Variants in RIF1 observed in about 807,000 individuals in gnomAD.
RIF1 encodes replication timing regulatory factor 1, also known as telomere-associated protein RIF1.
Under a neutral mutation model 247.1 loss-of-function variants are expected in RIF1, and 45 were observed. That is an observed-to-expected ratio of 0.18 (90% CI 0.14 to 0.23). RIF1 has a LOEUF of 0.23. Among genes scored for constraint, RIF1 ranks in the 10% least tolerant of loss-of-function variants. RIF1 has a pLI of 1.00. For synonymous variants in RIF1, 1,087 were observed against 978.8 expected (o/e 1.11, Z -2.06); for missense variants, 2,967 against 2,862.5 (o/e 1.04, Z -0.83).
downstream of RIF1, chr2:151,508,167 G>T: frequency 8.2e-7 from 1 of 1,220,106 alleles, no homozygotes; most frequent in Non-Finnish European, 1.2e-6. Flanking sequence ...TAGGCCAATG[G>T]GACCTAAAAT....
chr2:151,496,508 A>ACC, intron 10 of RIF1: 2 of 1,444,584 alleles, frequency 1.4e-6, no homozygotes, highest in East Asian at 5.0e-5. Context: ...ACAAAATGCC[A>ACC]CCAGCTACTT....
intron 4 of RIF1, 105 bp from the exon 5 acceptor site, chr2:151,416,456 A>G: frequency 9.2e-7 from 1 of 1,082,290 alleles, no homozygotes. Context: ...CTGGATATAC[A>G]TTTAATTTTA....
downstream of RIF1, chr2:151,485,840 C>T (rs1574251962): frequency 1.2e-6 from 2 of 1,614,078 alleles, no homozygotes; most frequent in South Asian, 2.2e-5. Context: ...CAGCCTTCAT[C>T]AATTGCTTGA....
At chr2:151,506,478 T>C (rs2068975482) in intron 13 of RIF1, 3 of 512,120 alleles carry the variant, frequency 5.9e-6, no homozygotes, top group African/African-American at 1.9e-5. Context: ...TCTTCTAAGA[T>C]TGTGGTATAC....
At chr2:151,484,464 C>T (rs909020540), downstream of RIF1, among the ~76,000 whole-genome samples, 15 of 152,132 alleles carry the variant, frequency 9.9e-5, no homozygotes, top group African/African-American at 3.1e-4. Flanking sequence ...AGAGTGGTGG[C>T]GCACGCCTGT....
At chr2:151,438,523 T>G (rs1691665441) in intron 13 of RIF1, among the ~76,000 whole-genome samples, 161 bp from the exon 14 acceptor site, 1 of 152,214 alleles carries the variant, frequency 6.6e-6, no homozygotes, top group African/African-American at 2.4e-5. Flanking sequence ...GAAGTGATAG[T>G]GTTTTATAAA....
intron 8 of RIF1, among the ~76,000 whole-genome samples, chr2:151,426,278 G>A (rs1456603224): frequency 2.1e-5 from 3 of 141,634 alleles, no homozygotes; most frequent in East Asian, 2.2e-4. Context: ...GGGTCCAAGC[G>A]ATTCTCCTGC....
In RIF1 at chr2:151,465,626, G is replaced by A; in HGVS notation, c.6106G>A (p.Asp2036Asn). The A allele has an allele frequency of 6.2e-7, 1 of 1,614,086 alleles. No individual in the cohort carries two copies. The highest frequency in any genetic ancestry group is 8.5e-7 in the Non-Finnish European group (1 of 1,179,996). The change falls in exon 30 of 36, where the codon GAT becomes AAT. Residue 2036 changes from aspartate to asparagine, a missense_variant. Physicochemically the swap from Asp to Asn is conservative, Grantham distance 23 (BLOSUM62 1). Transcript: ENST00000444746. ...IGEAMAETGH[D>N]GETENEGITT... ...CGAGGCAATGGCTGAAACTGGCCAT[G>A]ATGGTGAAACAGAGAATGAGGGCAT...
Position 151,465,045 on chromosome 2 carries a change from A to G in RIF1, c.5525A>G (p.Asp1842Gly), listed in dbSNP as rs1696698871. The G allele has an allele frequency of 6.3e-7, 1 of 1,588,168 alleles. No homozygotes were observed. The highest frequency in any genetic ancestry group is 8.5e-7 in the Non-Finnish European group (1 of 1,173,276). The change falls in exon 30 of 36, where the codon GAT becomes GGT. Residue 1842 changes from aspartate to glycine, a missense_variant. By Grantham distance (94) the Asp-to-Gly change is moderately conservative. Transcript: ENST00000444746. ...VNFREEICDM[D>G]SSEAMSLESQ... is the part of the protein sequence containing the mutation. ...TTTAGAGAGGAAATTTGTGATATGG[A>G]TTCTAGTGAAGCAATGTCTCTTGAA...
chr2:151,473,990 T>A lies in RIF1; in HGVS notation c.7122T>A (p.Ile2374=). The A allele has an allele frequency of 6.3e-7, 1 of 1,595,684 alleles. No homozygotes were observed. Among genetic ancestry groups the A allele is most frequent in the Non-Finnish European group, 8.6e-7 (1 of 1,165,698 alleles). The change falls in exon 35 of 36, where the codon ATT becomes ATA. Residue 2374 remains isoleucine (I), a synonymous_variant. Coordinates refer to ENST00000444746, the MANE Select transcript of RIF1 (RefSeq NM_018151.5). ...TGAAGACTCGTGGACTAGAAGAGAT[T>A]CCAGTTTTTGATATTTCTGAAAAAA... is the stretch of plus-strand genomic sequence containing the variant. ...QQVKTRGLEE[I]PVFDISEKTV... is the part of the protein sequence containing the mutation.
chr2:151,519,661 A>G, the RIF1 span: 2 of 1,601,668 alleles, frequency 1.2e-6, no homozygotes, highest in Non-Finnish European at 1.7e-6. Flanking sequence ...AACATACCTC[A>G]CTTGCAAGAT....
In RIF1 at chr2:151,424,922, G is replaced by T. The variant is rs969866489; in HGVS notation, c.786+1880G>T. On this transcript the variant is annotated intron_variant, in intron 8 of 35. Coordinates refer to ENST00000444746, the MANE Select transcript of RIF1 (RefSeq NM_018151.5). ...GGCTGGTCTCTAACTCAAGTGATCC[G>T]CCTGCCTCAGCCTCCAAAATTGTTG... is the stretch of plus-strand genomic sequence containing the variant. Among the ~76,000 whole-genome samples, 4 of 133,154 alleles carry T rather than the reference G, an allele frequency of 3.0e-5. No individual in the cohort carries two copies. The East Asian group carries it at 6.9e-4, about 23-fold the overall frequency. The allele number at this position is 133,154 out of a possible 152,430, so 87.4% of individuals were successfully genotyped here. A position where few individuals can be genotyped will look rare whatever the true frequency, so the allele number is the denominator to read the frequency against.
chr2:151,421,150 G>T (rs779600582), intron 7 of RIF1, among the ~76,000 whole-genome samples: 2 of 152,200 alleles, frequency 1.3e-5, no homozygotes, highest in South Asian at 4.1e-4. Flanking sequence ...TGTTGCAGGC[G>T]CTGTGAATAT....
chr2:151,534,299 A>G, the RIF1 span: 1 of 1,613,548 alleles, frequency 6.2e-7, no homozygotes, highest in Non-Finnish European at 8.5e-7. Flanking sequence ...TCCGCTGCTC[A>G]TAATCAGCTC....
chr2:151,527,001 C>A, the RIF1 span: 1 of 1,599,222 alleles, frequency 6.3e-7, no homozygotes. Flanking sequence ...TTGAGGAACT[C>A]CCGGTCCAGC....
chr2:151,471,672 A>T (rs2048537947), intron 34 of RIF1, among the ~76,000 whole-genome samples: 1 of 152,032 alleles, frequency 6.6e-6, no homozygotes, highest in Non-Finnish European at 1.5e-5. Context: ...CAAAGACCAG[A>T]TGGTTGTAGC....
At chr2:151,413,469 A>G (rs765246772) in intron 3 of RIF1, among the ~76,000 whole-genome samples, 5 of 152,242 alleles carry the variant, frequency 3.3e-5, no homozygotes, top group African/African-American at 1.2e-4. Flanking sequence ...AGTAGGAACC[A>G]TACCAGGTAA....
intron 15 of RIF1, among the ~76,000 whole-genome samples, chr2:151,440,482 A>C (rs191774471): frequency 6.6e-6 from 1 of 152,302 alleles, no homozygotes; most frequent in East Asian, 1.9e-4. Flanking sequence ...TTTGTTTTCA[A>C]TTAACTGTTT....
intron 11 of RIF1, among the ~76,000 whole-genome samples, chr2:151,435,827 C>T (rs1024214615): frequency 3.3e-5 from 5 of 150,564 alleles, no homozygotes; most frequent in Non-Finnish European, 5.9e-5. Flanking sequence ...TTAGAAGAGA[C>T]GGATGTTTTT....
Sources: gnomAD v4.1 joint callset for allele counts (sites outside exome capture counted in the v4.1 genomes callset) on GRCh38, gnomAD v4.1.1 for gene constraint, MANE v1.5 for transcripts, NCBI Gene and HGNC (gene_info 2026-07-23, HGNC 2026-07-21) for gene names.